PARP10: variants seen among roughly 807,000 people sequenced by gnomAD.
PARP10 encodes the protein protein mono-ADP-ribosyltransferase PARP10.
Under a neutral mutation model 82.4 loss-of-function variants are expected in PARP10, and 56 were observed. The observed-to-expected ratio is 0.68, with a 90% confidence interval of 0.55 to 0.85. The LOEUF (loss-of-function observed/expected upper bound fraction) is 0.85, where lower values mean the gene tolerates loss of function less well. Ranked by LOEUF, PARP10 falls within the 40% of genes least tolerant of loss-of-function variation. The probability of loss-of-function intolerance (pLI) is 0.00; values close to 1 mark genes in which losing one functional copy is unlikely to be tolerated. For synonymous variants in PARP10, 576 were observed against 601.1 expected (o/e 0.96, Z 0.61); for missense variants, 1,227 against 1,379.4 (o/e 0.89, Z 1.75).
At chr8:143,998,848 G>A (rs541165806) in intron 1 of PARP10, among the ~76,000 whole-genome samples, 1 of 151,944 alleles carries the variant, frequency 6.6e-6, no homozygotes, top group East Asian at 1.9e-4. Flanking sequence ...TACTCAAGAG[G>A]CTAAGGCGGG....
At chr8:143,989,861 C>G (rs1053066682), upstream of PARP10, 1 of 152,274 alleles carries the variant, frequency 6.6e-6, no homozygotes, top group African/African-American at 2.4e-5. The surrounding 1 kb of genome is among the most constrained non-coding windows in gnomAD (Gnocchi z 4.3). Flanking sequence ...ATTGGCCAGA[C>G]CAGACTTCTG....
At chr8:143,991,094 C>T, upstream of PARP10, 1 of 631,340 alleles carries the variant, frequency 1.6e-6, no homozygotes, top group Non-Finnish European at 2.8e-6. Flanking sequence ...CACGGTCTTC[C>T]CTTGCTTCCC....
At chr8:144,007,202 T>C (rs1053242901) in intron 1 of PARP10, among the ~76,000 whole-genome samples, 1 of 152,210 alleles carries the variant, frequency 6.6e-6, no homozygotes, top group Non-Finnish European at 1.5e-5. Flanking sequence ...CTGGGGTTGA[T>C]GACCAAGTTC....
Position 143,985,478 on chromosome 8 carries a change from G to GC in PARP10, c.606dup (p.Pro203AlafsTer55). 2 of 1,612,970 alleles carry GC rather than the reference G, an allele frequency of 1.2e-6. No individual in the cohort carries two copies. Among genetic ancestry groups the GC allele is most frequent in the Non-Finnish European group, 8.5e-7 (1 of 1,179,632 alleles). ...GGTAGGCGTTGCAGGTCCTCCAGGGGCCCCCCACCACTGCGGCGCTCATTC... is the reference window on the plus strand; with the variant it reads ...GGTAGGCGTTGCAGGTCCTCCAGGGGCCCCCCCACCACTGCGGCGCTCATTC... On this transcript the variant is annotated frameshift_variant, in exon 4 of 11. Transcript: ENST00000313028. LOFTEE classifies it high-confidence loss of function.
At chr8:143,984,493 C>A (rs1833937635) in intron 5 of PARP10, 51 bp downstream of exon 5, 2 of 1,589,604 alleles carry the variant, frequency 1.3e-6, no homozygotes, top group Non-Finnish European at 1.7e-6. Context: ...TACTTTGAGT[C>A]CCCAGTAGGA....
rs1833933826 is a variant in PARP10 at position 143,984,318 on chromosome 8, G to A, written c.1572C>T (p.Leu524=). 6.2e-7 allele frequency: 1 copy of A among 1,613,958 alleles called. No homozygotes were observed. Residue 524 remains leucine (L), a synonymous_variant, in exon 6 of 11, where the codon CTC becomes CTT. Coordinates refer to ENST00000313028, the MANE Select transcript of PARP10 (RefSeq NM_032789.5). ...GAAGGTGCTGCCCTTCTGGGCCCAGGAGAAACCTGGCGCTGCCCGGGTGCT... is the reference window on the plus strand; with the variant it reads ...GAAGGTGCTGCCCTTCTGGGCCCAGAAGAAACCTGGCGCTGCCCGGGTGCT... ...CLEHPGSARF[L]LGPEGQHLLQ...
intron 9 of PARP10, among the ~76,000 whole-genome samples, chr8:143,982,537 G>A (rs1833887705): frequency 1.3e-5 from 2 of 152,222 alleles, no homozygotes; most frequent in Admixed American, 6.5e-5. Context: ...GGGCCTTTCT[G>A]TGGAGGCAGA....
At chr8:143,992,143 C>T (rs782167163), upstream of PARP10, 13 of 1,601,172 alleles carry the variant, frequency 8.1e-6, no homozygotes, top group Middle Eastern at 1.7e-4. Flanking sequence ...CCCACTCTTC[C>T]GGGCCTGGTC....
chr8:143,983,046 C>G lies in PARP10; in HGVS notation c.2442G>C (p.Lys814Asn). The stretch of plus-strand genomic sequence containing the variant: ...GACGCTCCAGGTTGTTCCAGGGCCC[C>G]TTCAGCGTCTGCCCCGCCACTGATG... ...SGPTLAGQTL[K>N]GPWNNLERLA... Residue 814 changes from lysine to asparagine, a missense_variant, in exon 9 of 11, where the codon AAG becomes AAC. Physicochemically the swap from Lys to Asn is moderately conservative, Grantham distance 94. Transcript: ENST00000313028. 6.2e-7 allele frequency: 1 copy of G among 1,613,760 alleles called. No homozygotes were observed. Among genetic ancestry groups the G allele is most frequent in the East Asian group, 2.2e-5 (1 of 44,882 alleles).
Position 143,977,688 on chromosome 8 carries a change from G to T in PARP10, c.2874C>A (p.Arg958=), listed in dbSNP as rs371166104. The T allele has an allele frequency of 1.9e-5, 30 of 1,591,968 alleles. No individual in the cohort carries two copies. The highest frequency in any genetic ancestry group is 2.6e-5 in the Non-Finnish European group (30 of 1,170,062). Residue 958 remains arginine (R), a synonymous_variant, in exon 11 of 11, where the codon CGC becomes CGA. Transcript: ENST00000313028. ...CCCGCAGAGGGGGCGCCCGCAGACCGCGGCGGCCCTGCCCGTAGTCGCCAG... is the reference window on the plus strand; with the variant it reads ...CCCGCAGAGGGGGCGCCCGCAGACCTCGGCGGCCCTGCCCGTAGTCGCCAG... The part of the protein sequence containing the change: ...VLTGDYGQGR[R]GLRAPPLRGP...
intron 7 of PARP10, 65 bp downstream of exon 7, chr8:143,983,943 G>C: frequency 6.8e-7 from 1 of 1,474,346 alleles, no homozygotes; most frequent in Non-Finnish European, 9.1e-7. Context: ...GGAGCACAGA[G>C]CAGGGCAGGG....
At chr8:144,012,749 G>C (rs1554752649) in exon 1 of PARP10, 4 of 1,551,150 alleles carry the variant, frequency 2.6e-6, no homozygotes. Flanking sequence ...GCTCCCAAGA[G>C]AGTGAGGAGG....
intron 1 of PARP10, among the ~76,000 whole-genome samples, chr8:144,001,653 C>G (rs1834203620): frequency 6.6e-6 from 1 of 152,030 alleles, no homozygotes; most frequent in African/African-American, 2.4e-5. Context: ...TAACAGTGAG[C>G]AGAGGTCACG....
chr8:143,993,034 G>T, upstream of PARP10: 1 of 589,866 alleles, frequency 1.7e-6, no homozygotes, highest in Non-Finnish European at 3.0e-6. Context: ...CCACAGCATG[G>T]CCCCTTTAGT....
chr8:143,993,877 G>A (rs1298332618), upstream of PARP10, among the ~76,000 whole-genome samples: 1 of 152,224 alleles, frequency 6.6e-6, no homozygotes, highest in African/African-American at 2.4e-5. Context: ...GAGAAACACA[G>A]GCTGGAGATC....
At chr8:143,996,496 T>C (rs1834166018) in intron 1 of PARP10, among the ~76,000 whole-genome samples, 1 of 152,202 alleles carries the variant, frequency 6.6e-6, no homozygotes, top group Non-Finnish European at 1.5e-5. Context: ...TCTGGCTAAC[T>C]GGGGCCACTG....
intron 9 of PARP10, among the ~76,000 whole-genome samples, chr8:143,979,262 C>T (rs938507363): frequency 2.0e-5 from 3 of 152,040 alleles, no homozygotes; most frequent in African/African-American, 4.8e-5. Flanking sequence ...CGTGAGCCAC[C>T]GCAGCTGGCC....
upstream of PARP10, chr8:143,991,183 TTGTC>T (rs1564257046): frequency 6.8e-7 from 1 of 1,480,588 alleles, no homozygotes; most frequent in Admixed American, 2.3e-5. Context: ...CCACTGTTCC[TTGTC>T]TGTCTTCTCT....
upstream of PARP10, chr8:143,991,293 G>A: frequency 6.8e-7 from 1 of 1,480,724 alleles, no homozygotes; most frequent in Non-Finnish European, 9.1e-7. Context: ...ATATCCGGGG[G>A]GGCCCCAGCC....
Sources: allele counts gnomAD v4.1 joint callset (sites outside exome capture counted in the v4.1 genomes callset), GRCh38; gene constraint gnomAD v4.1.1; non-coding constraint Gnocchi (gnomAD v3.1); transcripts MANE v1.5; gene names NCBI Gene and HGNC (gene_info 2026-07-23, HGNC 2026-07-21).